RPH3A: variants seen among roughly 807,000 people sequenced by gnomAD.
RPH3A encodes rabphilin 3A, also known as rabphilin-3A.
In RPH3A, 48 loss-of-function variants were observed where a neutral mutation model predicts 102.2. The ratio of observed to expected loss-of-function variants is 0.47; its 90% confidence interval spans 0.37 to 0.60. The LOEUF (loss-of-function observed/expected upper bound fraction) is 0.60. Among genes scored for constraint, RPH3A ranks in the 20% least tolerant of loss-of-function variants. The probability of loss-of-function intolerance (pLI) is 0.00; values close to 1 mark genes in which losing one functional copy is unlikely to be tolerated. For synonymous variants in RPH3A, 310 were observed against 324.3 expected (o/e 0.96, Z 0.47); for missense variants, 781 against 910.1 (o/e 0.86, Z 1.83).
At chr12:112,892,481 G>C (rs559633380) in intron 19 of RPH3A, among the ~76,000 whole-genome samples, 24 of 152,318 alleles carry the variant, frequency 1.6e-4, no homozygotes, top group South Asian at 1.0e-3. Flanking sequence ...TTTCATCCAA[G>C]GTGATGGAGA....
chr12:112,575,301 C>T (rs927084257), exon 1 of RPH3A: 11 of 152,248 alleles, frequency 7.2e-5, no homozygotes, highest in Non-Finnish European at 1.6e-4. Flanking sequence ...AGGGACGGGC[C>T]CACCAACGCT....
intron 1 of RPH3A, among the ~76,000 whole-genome samples, chr12:112,737,892 A>G (rs140680708): frequency 9.5e-4 from 144 of 152,330 alleles, no homozygotes; most frequent in Non-Finnish European, 1.6e-3. Flanking sequence ...CAAAATTGTT[A>G]TTAGTGTCTT....
Position 112,795,875 on chromosome 12 carries a change from T to G in RPH3A, c.-19+3612T>G, listed in dbSNP as rs535265270. Among the ~76,000 whole-genome samples the G allele has an allele frequency of 2.4e-4, 37 of 152,314 alleles. 1 individual carries two copies. The highest frequency in any genetic ancestry group is 5.2e-4 in the Admixed American group (8 of 15,306). ...GCAAGGAGTAAATATCCAACAAATG[T>G]TCGCAATCGGGGCGATGTTGGTGAT... On this transcript the variant is annotated intron_variant, in intron 2 of 21. Coordinates refer to ENST00000389385, the MANE Select transcript of RPH3A (RefSeq NM_001143854.2).
At chr12:112,662,084 C>T (rs953146889) in intron 1 of RPH3A, among the ~76,000 whole-genome samples, 7 of 152,158 alleles carry the variant, frequency 4.6e-5, no homozygotes, top group Admixed American at 4.6e-4. Flanking sequence ...TCATTCTGTA[C>T]CTCTGCAAAG....
intron 1 of RPH3A, among the ~76,000 whole-genome samples, chr12:112,684,799 A>C (rs906859346): frequency 6.6e-6 from 1 of 152,150 alleles, no homozygotes; most frequent in African/African-American, 2.4e-5. Context: ...TAGACTGGGT[A>C]ATTTACAAAT....
chr12:112,698,231 T>G (rs2040366805), intron 1 of RPH3A, among the ~76,000 whole-genome samples: 1 of 152,202 alleles, frequency 6.6e-6, no homozygotes, highest in Non-Finnish European at 1.5e-5. Context: ...TCAACCCATA[T>G]ATTACATCAT....
At chr12:112,645,482 G>A (rs948633084) in intron 1 of RPH3A, among the ~76,000 whole-genome samples, 2 of 152,118 alleles carry the variant, frequency 1.3e-5, no homozygotes, top group African/African-American at 4.8e-5. Flanking sequence ...TTGAACCACT[G>A]GAGCAGAGCA....
intron 1 of RPH3A, among the ~76,000 whole-genome samples, chr12:112,681,329 T>C (rs1041692690): frequency 1.3e-5 from 2 of 152,214 alleles, no homozygotes; most frequent in Admixed American, 6.5e-5. Flanking sequence ...CCCCTGCAGG[T>C]CTGCAACCCA....
chr12:112,878,602 C>T (rs1201783549), intron 13 of RPH3A, among the ~76,000 whole-genome samples: 1 of 152,144 alleles, frequency 6.6e-6, no homozygotes, highest in African/African-American at 2.4e-5. Context: ...AAATAAAATA[C>T]ATTGAGTGAC....
At chr12:112,653,639 A>C (rs137902558) in intron 1 of RPH3A, among the ~76,000 whole-genome samples, 21 of 152,200 alleles carry the variant, frequency 1.4e-4, no homozygotes, top group African/African-American at 4.8e-4. Flanking sequence ...ACTTAAAAAA[A>C]CCCTTTTATT....
intron 1 of RPH3A, among the ~76,000 whole-genome samples, chr12:112,757,570 CTT>C (rs2040829700): frequency 6.6e-6 from 1 of 152,248 alleles, no homozygotes; most frequent in Admixed American, 6.5e-5. Context: ...AGATATCACA[CTT>C]TTCAAAATTA....
In RPH3A at chr12:112,696,098, A is replaced by G. The variant is rs192222885; in HGVS notation, c.-139-96045A>G. ...AAGAGCATACTATATTTGGTTTTCC[A>G]TTCCTGAGTTATTTCACTTAGAATA... On this transcript the variant is annotated intron_variant, in intron 1 of 21. Transcript: ENST00000543106. 9.4e-4 allele frequency among the ~76,000 whole-genome samples: 143 copies of G among 152,290 alleles called. 1 individual carries two copies. Among genetic ancestry groups the G allele is most frequent in the South Asian group, 8.3e-4 (4 of 4,822 alleles).
At chr12:112,745,778 C>T (rs1351435604) in intron 1 of RPH3A, among the ~76,000 whole-genome samples, 1 of 152,116 alleles carries the variant, frequency 6.6e-6, no homozygotes, top group Non-Finnish European at 1.5e-5. Flanking sequence ...CTGCTCACTC[C>T]ATTCCCATAG....
At chr12:112,694,758 T>C (rs2040337842) in intron 1 of RPH3A, among the ~76,000 whole-genome samples, 1 of 152,154 alleles carries the variant, frequency 6.6e-6, no homozygotes, top group Non-Finnish European at 1.5e-5. Context: ...ATAATTACTT[T>C]AGATTTAAGA....
Position 112,890,838 on chromosome 12 carries a change from C to A in RPH3A, c.1621-11C>A, listed in dbSNP as rs1246143292. Reference sequence around the variant, plus strand: ...CCTCCAAGGCCCACACTGCCTTTTCCCCCAATGCAGCAGGTGGAGCGTGTT... The same window carrying A: ...CCTCCAAGGCCCACACTGCCTTTTCACCCAATGCAGCAGGTGGAGCGTGTT... On this transcript the variant is annotated splice_polypyrimidine_tract_variant and intron_variant, in intron 18 of 21. Transcript: ENST00000389385. 6.2e-7 allele frequency: 1 copy of A among 1,612,314 alleles called. No homozygotes were observed. The highest frequency in any genetic ancestry group is 1.3e-5 in the African/African-American group (1 of 74,878).
intron 2 of RPH3A, among the ~76,000 whole-genome samples, chr12:112,798,887 T>C (rs2041286618): frequency 6.6e-6 from 1 of 152,016 alleles, no homozygotes; most frequent in South Asian, 2.1e-4. Context: ...CTTCCTTTCC[T>C]TTTCTCTCTC....
intron 16 of RPH3A, 94 bp from the exon 17 acceptor site, chr12:112,887,703 C>A: frequency 7.6e-7 from 1 of 1,316,078 alleles, no homozygotes; most frequent in South Asian, 1.4e-5. Flanking sequence ...ATACATTACA[C>A]ATTCCTTACC....
intron 1 of RPH3A, among the ~76,000 whole-genome samples, chr12:112,744,021 A>C (rs1366716639): frequency 6.6e-6 from 1 of 152,214 alleles, no homozygotes; most frequent in African/African-American, 2.4e-5. Flanking sequence ...TTGGTGAGTC[A>C]TACTGAACTT....
chr12:112,713,284 C>T lies in RPH3A; in HGVS notation c.-139-78859C>T, dbSNP rs144636660. The stretch of plus-strand genomic sequence containing the variant: ...ATATAGCCTATTGTATTGTCTTGCA[C>T]ATTTCTTTATTTAAATAATAAAGTA... On this transcript the variant is annotated intron_variant, in intron 1 of 21. Coordinates refer to the RPH3A transcript ENST00000543106. Among the ~76,000 whole-genome samples the T allele has an allele frequency of 5.8e-4, 88 of 151,918 alleles. 2 individuals carry two copies. In the East Asian group the frequency reaches 0.016, roughly 28 times the overall value.
Sources: gnomAD v4.1 joint callset for allele counts (sites outside exome capture counted in the v4.1 genomes callset) on GRCh38, gnomAD v4.1.1 for gene constraint, MANE v1.5 for transcripts, NCBI Gene and HGNC (gene_info 2026-07-23, HGNC 2026-07-21) for gene names.